The following DOCK3 variants were observed in gnomAD, a reference collection of about 807,000 sequenced individuals.
DOCK3 encodes the protein dedicator of cytokinesis 3.
DOCK3 carries 60 observed loss-of-function variants against 265.6 expected under a neutral mutation model. That is an observed-to-expected ratio of 0.23 (90% confidence interval 0.18 to 0.28). The LOEUF (loss-of-function observed/expected upper bound fraction) is 0.28, where lower values mean the gene tolerates loss of function less well. Among genes scored for constraint, DOCK3 ranks in the 10% least tolerant of loss-of-function variants. The pLI is 1.00. For synonymous variants in DOCK3, 881 were observed against 938.0 expected, an observed-to-expected ratio of 0.94 and a Z score of 1.11; for missense variants, 1,981 against 2,594.3, an observed-to-expected ratio of 0.76 and a Z score of 5.14.
chr3:51,044,301 A>G (rs896562087), intron 5 of DOCK3, among the ~76,000 whole-genome samples: 42 of 152,274 alleles, frequency 2.8e-4, no homozygotes, highest in African/African-American at 1.0e-3. Context: ...GCTGGAGGCC[A>G]TTATCCTTAA....
At chr3:50,805,679 G>C (rs1277830880) in intron 2 of DOCK3, among the ~76,000 whole-genome samples, 1 of 151,820 alleles carries the variant, frequency 6.6e-6, no homozygotes, top group Non-Finnish European at 1.5e-5. Flanking sequence ...TGTTTCTCCA[G>C]CTTAGGATAC....
intron 9 of DOCK3, among the ~76,000 whole-genome samples, chr3:51,091,166 T>C (rs1256290783): frequency 6.6e-6 from 1 of 152,154 alleles, no homozygotes; most frequent in Non-Finnish European, 1.5e-5. Context: ...AAAGTTATTG[T>C]AGAGAAGGTA....
intron 1 of DOCK3, among the ~76,000 whole-genome samples, chr3:50,742,757 G>C (rs2039143141): frequency 6.6e-6 from 1 of 152,174 alleles, no homozygotes; most frequent in African/African-American, 2.4e-5. Context: ...ATGGAACCAA[G>C]TTGGAAAACA....
chr3:51,047,266 G>GGGA (rs2080813010), intron 5 of DOCK3, among the ~76,000 whole-genome samples: 1 of 64,932 alleles, frequency 1.5e-5, no homozygotes, highest in African/African-American at 6.3e-5. Flanking sequence ...ATGAGGTTGG[G>GGGA]GGAGGGGGAG....
At chr3:50,813,727 T>C (rs2043898853) in intron 2 of DOCK3, among the ~76,000 whole-genome samples, 1 of 152,112 alleles carries the variant, frequency 6.6e-6, no homozygotes, top group Non-Finnish European at 1.5e-5. Context: ...TCATGGGATA[T>C]ATTTTACAAT....
At chr3:50,907,061 T>C (rs941977521) in intron 4 of DOCK3, among the ~76,000 whole-genome samples, 8 of 151,958 alleles carry the variant, frequency 5.3e-5, no homozygotes, top group African/African-American at 7.3e-5. Flanking sequence ...TGTAGTTGAG[T>C]GGTTTTGAGT....
intron 9 of DOCK3, among the ~76,000 whole-genome samples, chr3:51,103,581 G>T (rs1005161040): frequency 6.6e-6 from 1 of 152,150 alleles, no homozygotes; most frequent in Non-Finnish European, 1.5e-5. Context: ...CTCATAGAAG[G>T]TTCAAAACAA....
At chr3:51,009,760 T>G (rs2078865317) in intron 5 of DOCK3, among the ~76,000 whole-genome samples, 1 of 152,246 alleles carries the variant, frequency 6.6e-6, no homozygotes, top group Admixed American at 6.5e-5. Context: ...CATTTAGTGC[T>G]ATAAATTTCC....
intron 38 of DOCK3, 120 bp from the exon 39 acceptor site, chr3:51,348,732 G>A: frequency 1.0e-6 from 1 of 984,536 alleles, no homozygotes; most frequent in Non-Finnish European, 1.5e-6. Flanking sequence ...TATGTTCTTT[G>A]TGACACATGA....
At chr3:51,176,494 C>T (rs865786726) in intron 12 of DOCK3, among the ~76,000 whole-genome samples, 3 of 152,066 alleles carry the variant, frequency 2.0e-5, no homozygotes, top group Non-Finnish European at 2.9e-5. Flanking sequence ...AGCGTGGTGG[C>T]GGGTGCCTGT....
chr3:50,829,844 T>A (rs1307307581), intron 2 of DOCK3, among the ~76,000 whole-genome samples: 1 of 152,218 alleles, frequency 6.6e-6, no homozygotes, highest in Non-Finnish European at 1.5e-5. Context: ...GAGTGACTAA[T>A]TTTAATGAAA....
At chr3:51,341,179 G>C in intron 37 of DOCK3, 58 bp from the exon 38 acceptor site, 1 of 1,509,642 alleles carries the variant, frequency 6.6e-7, no homozygotes, top group Non-Finnish European at 8.8e-7. Flanking sequence ...ACACCAGGCT[G>C]CTCCTGGGCC....
chr3:51,010,182 T>A (rs1042018158), intron 5 of DOCK3, among the ~76,000 whole-genome samples: 1 of 152,170 alleles, frequency 6.6e-6, no homozygotes, highest in Non-Finnish European at 1.5e-5. Flanking sequence ...TTGTTAATTT[T>A]CTGTCTCGCT....
intron 1 of DOCK3, among the ~76,000 whole-genome samples, chr3:50,679,149 T>C (rs927830953): frequency 6.6e-6 from 1 of 151,948 alleles, no homozygotes; most frequent in African/African-American, 2.4e-5. Flanking sequence ...TTAAAAAAAA[T>C]TTTTTTTAGT....
intron 5 of DOCK3, among the ~76,000 whole-genome samples, chr3:51,026,635 CTTTTTATCACTGA>C (rs1231688609): frequency 6.6e-6 from 1 of 151,794 alleles, no homozygotes; most frequent in Non-Finnish European, 1.5e-5. Flanking sequence ...GGTTGCTAGG[CTTTTTATCACTGA>C]TTCAGTTTCA....
chr3:51,054,168 T>C (rs1278491852), intron 5 of DOCK3, among the ~76,000 whole-genome samples: 1 of 151,726 alleles, frequency 6.6e-6, no homozygotes, highest in Non-Finnish European at 1.5e-5. Flanking sequence ...AGAATTTTTA[T>C]TTTTGAAGTT....
chr3:51,214,401 T>G (rs937987600), intron 14 of DOCK3, among the ~76,000 whole-genome samples, 154 bp downstream of exon 14: 1 of 152,150 alleles, frequency 6.6e-6, no homozygotes, highest in Non-Finnish European at 1.5e-5. Context: ...CAGTCTGCAG[T>G]CAATGGCCCT....
intron 5 of DOCK3, among the ~76,000 whole-genome samples, chr3:51,017,794 A>T (rs180675675): frequency 3.3e-5 from 5 of 151,992 alleles, no homozygotes; most frequent in Admixed American, 2.6e-4. Flanking sequence ...CTGAGAAAAA[A>T]ATGCTAACTT....
intron 4 of DOCK3, among the ~76,000 whole-genome samples, chr3:50,901,226 A>G (rs1382098980): frequency 2.0e-5 from 3 of 152,152 alleles, no homozygotes; most frequent in Non-Finnish European, 2.9e-5. Context: ...GCTGAACTAC[A>G]GTGGGCTCCA....
Sources: gnomAD v4.1 joint callset for allele counts (sites outside exome capture counted in the v4.1 genomes callset) on GRCh38, gnomAD v4.1.1 for gene constraint, MANE v1.5 for transcripts, NCBI Gene and HGNC (gene_info 2026-07-23, HGNC 2026-07-21) for gene names.